Variants in CD109 observed in about 807,000 individuals in gnomAD.
CD109 encodes the protein CD109 antigen.
A neutral mutation model predicts 165.8 loss-of-function variants in CD109; 149 were observed. The observed-to-expected ratio is 0.90, with a 90% CI of 0.79 to 1.03. The LOEUF is 1.03. CD109 is among the 50% of genes least tolerant of loss of function. CD109 has a pLI of 0.00. For missense variants in CD109, 1,712 were observed against 1,677.8 expected, an observed-to-expected ratio of 1.02 and a Z score of -0.36; for synonymous variants, 585 against 592.1, an observed-to-expected ratio of 0.99 and a Z score of 0.18.
the CD109 span, among the ~76,000 whole-genome samples, chr6:73,686,271 C>A: frequency 6.6e-6 from 1 of 151,864 alleles, no homozygotes; most frequent in Non-Finnish European, 1.5e-5. Context: ...AGGGGATGAG[C>A]CCTGGAAACT....
chr6:73,774,518 CT>C (rs1774168086), intron 15 of CD109, among the ~76,000 whole-genome samples: 1 of 152,160 alleles, frequency 6.6e-6, no homozygotes, highest in African/African-American at 2.4e-5. Context: ...AGAGTGAATG[CT>C]TGAGGGACAT....
In CD109 at chr6:73,803,273, G is replaced by T. The variant is rs1384556528; in HGVS notation, c.2932G>T (p.Gly978Trp). 1.9e-6 allele frequency: 3 copies of T among 1,610,512 alleles called. No homozygotes were observed. The highest frequency in any genetic ancestry group is 1.7e-4 in the Middle Eastern group (1 of 6,046). The change falls in exon 24 of 33, where the codon GGG becomes TGG. Residue 978 changes from glycine (G) to tryptophan (W), a missense_variant. Transcript: ENST00000287097. ...QREDGSFSAF[G>W]NYDPSGSTWL... ...GGAAGATGGCTCTTTCAGTGCTTTT[G>T]GGAATTATGACCCTTCTGGGAGCAC...
chr6:73,750,493 C>T (rs774936838), intron 5 of CD109, among the ~76,000 whole-genome samples: 10 of 152,128 alleles, frequency 6.6e-5, no homozygotes, highest in African/African-American at 1.9e-4. Context: ...AGGTGACAGG[C>T]GGTTAGAGGA....
chr6:73,781,137 A>C, intron 16 of CD109, 122 bp from the exon 17 acceptor site: 1 of 679,942 alleles, frequency 1.5e-6, no homozygotes, highest in Non-Finnish European at 2.6e-6. Context: ...ATGTATGTGC[A>C]TGTGTATACC....
intron 2 of CD109, among the ~76,000 whole-genome samples, chr6:73,713,275 G>A (rs186506975): frequency 3.3e-5 from 5 of 152,236 alleles, no homozygotes; most frequent in African/African-American, 7.2e-5. Flanking sequence ...TATTAAGGAC[G>A]CATGAGACCA....
In CD109 at chr6:73,766,122, A is replaced by T. The variant is rs1197483603; in HGVS notation, c.1300A>T (p.Ile434Phe). 6.2e-7 allele frequency: 1 copy of T among 1,614,028 alleles called. No homozygotes were observed. ...QSGTFKIEFP[I>F]LEDSSELQLK... ...TGGAACTTTTAAGATTGAATTCCCA[A>T]TCCTGGAGGATTCCAGTGAGCTACA... The change falls in exon 11 of 33, where the codon ATC becomes TTC. Residue 434 changes from isoleucine to phenylalanine, a missense_variant. By Grantham distance (21) the Ile-to-Phe change is conservative (BLOSUM62 0). Coordinates refer to ENST00000287097, the MANE Select transcript of CD109 (RefSeq NM_133493.5).
rs368124542 is a variant in CD109, at chr6:73,806,956, G to C, written c.3073G>C (p.Gly1025Arg). 6.2e-7 allele frequency: 1 copy of C among 1,613,938 alleles called. No individual in the cohort carries two copies. Among genetic ancestry groups the C allele is most frequent in the Non-Finnish European group, 8.5e-7 (1 of 1,179,946 alleles). The part of the protein sequence containing the change: ...TWLKGHQKSN[G>R]EFWDPGRVIH... ...GCTTAAAGGACATCAGAAATCCAAC[G>C]GTGAATTTTGGGATCCAGGAAGAGT... is the stretch of plus-strand genomic sequence containing the variant. The change falls in exon 25 of 33, where the codon GGT becomes CGT. Residue 1025 changes from glycine to arginine, a missense_variant. Transcript: ENST00000287097.
intron 2 of CD109, among the ~76,000 whole-genome samples, chr6:73,699,133 A>G (rs908254011): frequency 1.3e-5 from 2 of 152,212 alleles, no homozygotes; most frequent in African/African-American, 2.4e-5. Flanking sequence ...GATAGTCGCT[A>G]AAGAAAATAT....
At chr6:73,764,114 T>C (rs1773745249) in intron 10 of CD109, among the ~76,000 whole-genome samples, 1 of 152,232 alleles carries the variant, frequency 6.6e-6, no homozygotes, top group Admixed American at 6.5e-5. Flanking sequence ...ACACATTAAT[T>C]GTGTGAATGT....
the CD109 span, among the ~76,000 whole-genome samples, chr6:73,688,593 G>A: frequency 1.7e-3 from 262 of 152,170 alleles, no homozygotes; most frequent in African/African-American, 6.0e-3. Flanking sequence ...CTGCTGGATA[G>A]AGGCTGGTCA....
intron 23 of CD109, among the ~76,000 whole-genome samples, chr6:73,799,819 A>C (rs554139783): frequency 8.5e-4 from 129 of 151,940 alleles, no homozygotes; most frequent in Middle Eastern, 3.4e-3. Flanking sequence ...TTTTGCGAAA[A>C]TAAATGTATA....
intron 5 of CD109, among the ~76,000 whole-genome samples, chr6:73,741,148 T>C (rs554666651): frequency 6.6e-6 from 1 of 152,184 alleles, no homozygotes; most frequent in African/African-American, 2.4e-5. Flanking sequence ...AAAGAAACTC[T>C]TGATGATTAT....
intron 23 of CD109, among the ~76,000 whole-genome samples, chr6:73,795,469 G>A (rs1582172868): frequency 6.6e-6 from 1 of 152,160 alleles, no homozygotes; most frequent in East Asian, 1.9e-4. Flanking sequence ...CCAAAGCAGT[G>A]CTAGTCCCTC....
chr6:73,688,569 T>C, the CD109 span, among the ~76,000 whole-genome samples: 1 of 152,046 alleles, frequency 6.6e-6, no homozygotes, highest in Non-Finnish European at 1.5e-5. Flanking sequence ...ACTAATGAGG[T>C]AACTCTTGGT....
At chr6:73,710,808 T>C (rs867656924) in intron 2 of CD109, among the ~76,000 whole-genome samples, 22 of 152,184 alleles carry the variant, frequency 1.4e-4, no homozygotes, top group South Asian at 2.1e-4. Context: ...GGGCCAGATG[T>C]TAAGCATGTA....
At chr6:73,773,181 A>G (rs1450618539) in intron 15 of CD109, among the ~76,000 whole-genome samples, 1 of 150,610 alleles carries the variant, frequency 6.6e-6, no homozygotes, top group African/African-American at 2.4e-5. Context: ...TTACATTTAT[A>G]TATGTGTGTT....
chr6:73,768,118 C>A lies in CD109; in HGVS notation c.1561C>A (p.Pro521Thr). ...KQNSTMFSLT[P>T]ENSWTPKACV... ...AAATTCAACAATGTTCTCTTTAACACCAGAAAATTCTTGGACTCCAAAAGC... is the reference window on the plus strand; with the variant it reads ...AAATTCAACAATGTTCTCTTTAACAACAGAAAATTCTTGGACTCCAAAAGC... Residue 521 changes from proline to threonine, a missense_variant, in exon 14 of 33, where the codon CCA becomes ACA. Physicochemically the swap from Pro to Thr is conservative, Grantham distance 38 (BLOSUM62 -1). Coordinates refer to ENST00000287097, the MANE Select transcript of CD109 (RefSeq NM_133493.5). 1.2e-6 allele frequency: 2 copies of A among 1,612,582 alleles called. No individual in the cohort carries two copies. Among genetic ancestry groups the A allele is most frequent in the South Asian group, 1.1e-5 (1 of 91,022 alleles).
chr6:73,811,912 T>C (rs1775770376), intron 28 of CD109, among the ~76,000 whole-genome samples: 1 of 152,124 alleles, frequency 6.6e-6, no homozygotes, highest in African/African-American at 2.4e-5. Context: ...GAGATGACTT[T>C]AGTTTCTTGT....
the CD109 span, among the ~76,000 whole-genome samples, chr6:73,680,709 T>C: frequency 8.1e-4 from 124 of 152,308 alleles, 2 homozygotes; most frequent in Non-Finnish European, 1.4e-3. Context: ...GAAGAGGGCA[T>C]TTGGCCCAGT....
Sources: allele counts gnomAD v4.1 joint callset (sites outside exome capture counted in the v4.1 genomes callset), GRCh38; gene constraint gnomAD v4.1.1; transcripts MANE v1.5; gene names NCBI Gene and HGNC (gene_info 2026-07-23, HGNC 2026-07-21).